Variants in MCOLN3 observed in about 807,000 individuals in gnomAD.
The protein encoded by MCOLN3 is mucolipin-3.
In MCOLN3, 62 loss-of-function variants were observed where a neutral mutation model predicts 69.4. The ratio of observed to expected loss-of-function variants is 0.89; its 90% confidence interval spans 0.73 to 1.10. The LOEUF (loss-of-function observed/expected upper bound fraction) is 1.10. Ranked by LOEUF, MCOLN3 falls within the 50% of genes least tolerant of loss-of-function variation. MCOLN3 has a pLI of 0.00. For missense variants in MCOLN3, 564 were observed against 656.4 expected (o/e 0.86, Z 1.54); for synonymous variants, 183 against 217.0 (o/e 0.84, Z 1.38).
chr1:85,021,038 A>G, intron 12 of MCOLN3, 32 bp downstream of exon 12: 1 of 1,510,594 alleles, frequency 6.6e-7, no homozygotes, highest in South Asian at 1.2e-5. Context: ...TTATAGGACA[A>G]TGCTACTACT....
At chr1:85,020,804 C>T (rs1557680153) in intron 12 of MCOLN3, among the ~76,000 whole-genome samples, 2 of 152,128 alleles carry the variant, frequency 1.3e-5, no homozygotes, top group African/African-American at 2.4e-5. Flanking sequence ...TTACTCTTTG[C>T]CCCCCAGACT....
intron 3 of MCOLN3, 149 bp from the exon 4 acceptor site, chr1:85,034,400 G>A (rs1282466870): frequency 1.4e-6 from 1 of 716,676 alleles, no homozygotes; most frequent in Admixed American, 2.8e-5. Context: ...ACTTGCTGCT[G>A]TGCACTAGGA....
chr1:85,022,487 G>A (rs1651993979), intron 9 of MCOLN3, 87 bp from the exon 10 acceptor site: 1 of 841,240 alleles, frequency 1.2e-6, no homozygotes, highest in African/African-American at 1.7e-5. Flanking sequence ...GTAAGGCACT[G>A]TTTTAGGTGC....
intron 6 of MCOLN3, among the ~76,000 whole-genome samples, chr1:85,031,849 G>T (rs1029945528): frequency 6.6e-6 from 1 of 152,108 alleles, no homozygotes; most frequent in East Asian, 1.9e-4. Context: ...GAGGCAGGTG[G>T]ATCACGAAGT....
At chr1:85,030,485 G>A (rs549641296) in intron 6 of MCOLN3, among the ~76,000 whole-genome samples, 2 of 152,210 alleles carry the variant, frequency 1.3e-5, no homozygotes, top group African/African-American at 4.8e-5. Context: ...CTGAACTATG[G>A]GACAACTCCA....
intron 2 of MCOLN3, among the ~76,000 whole-genome samples, chr1:85,041,449 T>C (rs1653059519): frequency 6.6e-6 from 1 of 152,232 alleles, no homozygotes; most frequent in Non-Finnish European, 1.5e-5. Flanking sequence ...TATATTAACA[T>C]AATGTGTCCT....
At position 85,032,736 on chromosome 1, in the gene MCOLN3, C is replaced by T. The variant is rs766951792; in HGVS notation, c.692G>A (p.Arg231His). 7.4e-6 allele frequency: 12 copies of T among 1,613,766 alleles called. No individual in the cohort carries two copies. Among genetic ancestry groups the T allele is most frequent in the Middle Eastern group, 1.6e-4 (1 of 6,084 alleles). Residue 231 changes from arginine to histidine, a missense_variant, in exon 6 of 13, where the codon CGT becomes CAT. Transcript: ENST00000370589. ...KLKAINLQTV[R>H]HQELPDCYDF... ...ATAACAGTCAGGGAGTTCTTGATGA[C>T]GAACTGTCTGCAGATTAATGGCTTT... is the stretch of plus-strand genomic sequence containing the variant.
At position 85,019,670 on chromosome 1, in the gene MCOLN3, A is replaced by T. The variant is rs2102912616; in HGVS notation, c.1528-413T>A. ...GTTCAGGCCACAAGAAGCCCAGTGGATCTAAATTAACAAGGTTTTCTAGTA... is the reference window on the plus strand; with the variant it reads ...GTTCAGGCCACAAGAAGCCCAGTGGTTCTAAATTAACAAGGTTTTCTAGTA... On this transcript the variant is annotated intron_variant, in intron 12 of 12. Coordinates refer to ENST00000370589, the MANE Select transcript of MCOLN3 (RefSeq NM_018298.11). Among the ~76,000 whole-genome samples, 2 of 152,306 alleles carry T rather than the reference A, an allele frequency of 1.3e-5. 1 individual carries two copies. The highest frequency in any genetic ancestry group is 4.1e-4 in the South Asian group (2 of 4,824).
chr1:85,032,921 T>C lies in MCOLN3; in HGVS notation c.586A>G (p.Ile196Val), dbSNP rs745947330. The change falls in exon 5 of 13, where the codon ATT becomes GTT. Residue 196 changes from isoleucine (I) to valine (V), a missense_variant. Ile to Val is a conservative substitution (Grantham distance 29). Transcript: ENST00000370589. ...FFVEPDEPFH[I>V]GTPAENKLNL... Reference sequence around the variant, plus strand: ...AGTTTATTTTCTGCTGGTGTCCCAATGTGAAAAGGTTCATCTGGCTCCACA... The same window carrying C: ...AGTTTATTTTCTGCTGGTGTCCCAACGTGAAAAGGTTCATCTGGCTCCACA... The C allele has an allele frequency of 6.2e-7, 1 of 1,614,054 alleles. No individual in the cohort carries two copies. The highest frequency in any genetic ancestry group is 1.7e-5 in the Admixed American group (1 of 60,024).
At position 85,034,155 on chromosome 1, in the gene MCOLN3, G is replaced by A. The variant is rs774640347; in HGVS notation, c.493C>T (p.Arg165Ter). The A allele has an allele frequency of 1.3e-5, 21 of 1,614,008 alleles. No homozygotes were observed. Among genetic ancestry groups the A allele is most frequent in the Non-Finnish European group, 1.5e-5 (18 of 1,180,002 alleles). ...AMAICQHFYKRGNIYPGNDTF... is the reference protein window; with the variant it reads ...AMAICQHFYK The stretch of plus-strand genomic sequence containing the variant: ...TCATTTCCAGGGTAGATGTTTCCTC[G>A]CTTGTAGAAGTGCTGACAGATTGCC... Residue 165 changes from arginine (R) to a stop codon, truncating the protein, a stop_gained, in exon 4 of 13, where the codon CGA becomes TGA. Transcript: ENST00000370589. LOFTEE classifies it high-confidence loss of function.
intron 3 of MCOLN3, among the ~76,000 whole-genome samples, chr1:85,038,501 TGAGCCC>T: frequency 6.6e-6 from 1 of 152,300 alleles, no homozygotes; most frequent in South Asian, 2.1e-4. Flanking sequence ...TGGATCAGAA[TGAGCCC>T]TGGAGATTAT....
At chr1:85,021,578 C>A (rs928187654) in intron 11 of MCOLN3, among the ~76,000 whole-genome samples, 1 of 152,184 alleles carries the variant, frequency 6.6e-6, no homozygotes, top group Admixed American at 6.5e-5. Flanking sequence ...TTAAAGAGAC[C>A]TTGAAATGCC....
chr1:85,021,365 G>A, intron 11 of MCOLN3, 89 bp from the exon 12 acceptor site: 1 of 1,086,112 alleles, frequency 9.2e-7, no homozygotes, highest in South Asian at 1.5e-5. Context: ...AACATAAAGG[G>A]ACCAGATAAC....
chr1:85,045,344 A>C lies in MCOLN3; in HGVS notation c.17T>G (p.Val6Gly). Residue 6 changes from valine (V) to glycine (G), a missense_variant, in exon 2 of 13, where the codon GTA becomes GGA. By Grantham distance (109) the Val-to-Gly change is moderately radical (BLOSUM62 -3). Coordinates refer to ENST00000370589, the MANE Select transcript of MCOLN3 (RefSeq NM_018298.11). MADPEVVVSSCSSHEE... is the reference protein window; with the variant it reads MADPEGVVSSCSSHEE... ...ATGAGAGCTGCAGCTACTCACAACT[A>C]CCTCAGGATCTGCCATCTCTAGAGG... 3.7e-6 allele frequency: 6 copies of C among 1,613,248 alleles called. No homozygotes were observed. The highest frequency in any genetic ancestry group is 4.2e-6 in the Non-Finnish European group (5 of 1,179,646).
rs1168952927 is a variant in MCOLN3, at chr1:85,019,136, C to T, written c.1649G>A (p.Cys550Tyr). 6 of 1,613,116 alleles carry T rather than the reference C, an allele frequency of 3.7e-6. No individual in the cohort carries two copies. Among genetic ancestry groups the T allele is most frequent in the Non-Finnish European group, 5.1e-6 (6 of 1,179,678 alleles). ...EDDPPVSLFC[C>Y]CKK is the part of the protein sequence containing the mutation. ...TAAACCTGATAGCTACTTTTTACAACAGCAGAATAAAGATACTGGAGGGTC... is the reference window on the plus strand; with the variant it reads ...TAAACCTGATAGCTACTTTTTACAATAGCAGAATAAAGATACTGGAGGGTC... Residue 550 changes from cysteine to tyrosine, a missense_variant, in exon 13 of 13, where the codon TGT (cysteine) becomes TAT (tyrosine). Transcript: ENST00000370589.
Position 85,029,185 on chromosome 1 carries a change from G to T in MCOLN3, c.753C>A (p.Ala251=), listed in dbSNP as rs759530282. 1 of 1,601,934 alleles carries T rather than the reference G, an allele frequency of 6.2e-7. No homozygotes were observed. The highest frequency in any genetic ancestry group is 2.2e-5 in the East Asian group (1 of 44,778). ...AACTTATTTTAATTCTTCCACTATG[G>T]GCCTTGTTGTCAAATGTTATCTGTG... is the stretch of plus-strand genomic sequence containing the variant. ...FTLTITFDNK[A]HSGRIKISLD... is the part of the protein sequence containing the mutation. The change falls in exon 7 of 13, where the codon GCC becomes GCA. Residue 251 remains alanine, a synonymous_variant. Coordinates refer to ENST00000370589, the MANE Select transcript of MCOLN3 (RefSeq NM_018298.11).
At chr1:85,030,511 A>G (rs1652455953) in intron 6 of MCOLN3, among the ~76,000 whole-genome samples, 1 of 152,232 alleles carries the variant, frequency 6.6e-6, no homozygotes, top group Non-Finnish European at 1.5e-5. Context: ...CCAAATACAG[A>G]CGTTTTTGTC....
Position 85,032,892 on chromosome 1 carries a change from G to C in MCOLN3, c.615C>G (p.Asn205Lys), listed in dbSNP as rs764414305. 1 of 1,614,156 alleles carries C rather than the reference G, an allele frequency of 6.2e-7. No homozygotes were observed. The highest frequency in any genetic ancestry group is 8.5e-7 in the Non-Finnish European group (1 of 1,180,028). The change falls in exon 5 of 13, where the codon AAC becomes AAG. Residue 205 changes from asparagine to lysine, a missense_variant. By Grantham distance (94) the Asn-to-Lys change is moderately conservative. Coordinates refer to ENST00000370589, the MANE Select transcript of MCOLN3 (RefSeq NM_018298.11). ...HIGTPAENKL[N>K]LTLDFHRLLT... ...CTCACCTGTGGAAGTCCAGTGTTAA[G>C]TTCAGTTTATTTTCTGCTGGTGTCC... is the stretch of plus-strand genomic sequence containing the variant.
chr1:85,047,492 C>T (rs1381672233), intron 1 of MCOLN3: 2 of 152,264 alleles, frequency 1.3e-5, no homozygotes, highest in Admixed American at 6.5e-5. Flanking sequence ...AGAGGCTACC[C>T]GACGAAGGGG....
Sources: allele counts gnomAD v4.1 joint callset (sites outside exome capture counted in the v4.1 genomes callset), GRCh38; gene constraint gnomAD v4.1.1; transcripts MANE v1.5; gene names NCBI Gene and HGNC (gene_info 2026-07-23, HGNC 2026-07-21).